Variants in NOTCH2NLC observed in about 807,000 individuals in gnomAD.
The protein encoded by NOTCH2NLC is notch homolog 2 N-terminal-like protein C.
In NOTCH2NLC, 4 loss-of-function variants were observed where a neutral mutation model predicts 17.7. The ratio of observed to expected loss-of-function variants is 0.23; its 90% CI spans 0.11 to 0.52. The LOEUF (loss-of-function observed/expected upper bound fraction) is 0.52. Ranked by LOEUF, NOTCH2NLC falls within the 20% of genes least tolerant of loss-of-function variation. The pLI is 0.96. For missense variants in NOTCH2NLC, 57 were observed against 207.2 expected (o/e 0.28, Z 4.45); for synonymous variants, 18 against 86.0 (o/e 0.21, Z 4.38).
At chr1:149,462,661 C>A (rs2084656624) in intron 3 of NOTCH2NLC, among the ~76,000 whole-genome samples, 1 of 147,626 alleles carries the variant, frequency 6.8e-6, no homozygotes, top group African/African-American at 2.5e-5. Context: ...ACCATGGAGA[C>A]CCAACCCTGC....
chr1:149,419,298 A>G (rs1457170542), intron 1 of NOTCH2NLC, among the ~76,000 whole-genome samples: 76 of 151,048 alleles, frequency 5.0e-4, no homozygotes, highest in Middle Eastern at 3.4e-3. Flanking sequence ...TATCAAGACA[A>G]TGTAACTTTT....
Position 149,390,732 on chromosome 1 carries a change from T to C in NOTCH2NLC, c.-56T>C. 4 of 1,238,710 alleles carry C rather than the reference T, an allele frequency of 3.2e-6. No individual in the cohort carries two copies. Among genetic ancestry groups the C allele is most frequent in the Non-Finnish European group, 3.0e-6 (3 of 991,632 alleles). The allele number at this position is 1,238,710 out of a possible 1,614,324, so 76.7% of individuals were successfully genotyped here. The stretch of plus-strand genomic sequence containing the variant: ...GACCGTAGCGCCAGGGCCTGAGCCT[T>C]TGAAGCAGGAGGAGGGGAGGAGAGA... On this transcript the variant is annotated 5_prime_UTR_variant, in exon 1 of 5. Transcript: ENST00000650865.
At chr1:149,430,142 CT>C (rs2084438933) in intron 1 of NOTCH2NLC, among the ~76,000 whole-genome samples, 2 of 146,302 alleles carry the variant, frequency 1.4e-5, no homozygotes, top group Non-Finnish European at 3.0e-5. Context: ...TGTTTTTGTT[CT>C]TTTCTCTGAA....
chr1:149,393,748 C>CT lies in NOTCH2NLC; in HGVS notation c.135+2836dup, dbSNP rs1325133856. Among the ~76,000 whole-genome samples the CT allele has an allele frequency of 1.7e-3, 218 of 129,608 alleles. 3 individuals are homozygous for CT. Among genetic ancestry groups the CT allele is most frequent in the East Asian group, 4.2e-3 (16 of 3,794 alleles). The allele number at this position is 129,608 out of a possible 152,430, so 85.0% of individuals were successfully genotyped here. On this transcript the variant is annotated intron_variant, in intron 1 of 4. Transcript: ENST00000650865. The stretch of plus-strand genomic sequence containing the variant: ...TTTTCCTTTCACTTTCTTATTATTC[C>CT]TTTTTTTTTTGGTGTGGTGGAGAGG...
At chr1:149,398,147 G>A (rs1380426316) in intron 1 of NOTCH2NLC, among the ~76,000 whole-genome samples, 1 of 151,188 alleles carries the variant, frequency 6.6e-6, no homozygotes, top group African/African-American at 2.4e-5. Context: ...AGGGAAAGGC[G>A]ACCTCCAGCT....
chr1:149,420,184 T>G (rs1177920549), intron 1 of NOTCH2NLC, among the ~76,000 whole-genome samples: 11 of 149,978 alleles, frequency 7.3e-5, no homozygotes, highest in Non-Finnish European at 1.0e-4. Context: ...AGGGCTATAT[T>G]TTATGTTTTC....
At chr1:149,430,549 A>G (rs1177416318) in intron 1 of NOTCH2NLC, among the ~76,000 whole-genome samples, 2 of 145,050 alleles carry the variant, frequency 1.4e-5, no homozygotes, top group African/African-American at 5.1e-5. Context: ...ATGGTGATCT[A>G]TTATTTATCT....
rs1226879978 is a variant in NOTCH2NLC, at chr1:149,419,782, T to C, written c.136-11160T>C. ...AGGTTGTGTTGATGTGGGACATAGTTGTATGTCTGAAGAAACAAAGCAAGG... is the reference window on the plus strand; with the variant it reads ...AGGTTGTGTTGATGTGGGACATAGTCGTATGTCTGAAGAAACAAAGCAAGG... On this transcript the variant is annotated intron_variant, in intron 1 of 4. Coordinates refer to ENST00000650865, the MANE Select transcript of NOTCH2NLC (RefSeq NM_001364013.2). Among the ~76,000 whole-genome samples the C allele has an allele frequency of 3.0e-4, 45 of 148,214 alleles. 1 individual carries two copies. The highest frequency in any genetic ancestry group is 1.1e-3 in the African/African-American group (43 of 40,304).
chr1:149,425,538 A>G (rs1457298839), intron 1 of NOTCH2NLC, among the ~76,000 whole-genome samples: 8 of 150,766 alleles, frequency 5.3e-5, no homozygotes, highest in African/African-American at 1.7e-4. Flanking sequence ...CCAGCATGGG[A>G]GCCTAGACTG....
intron 1 of NOTCH2NLC, among the ~76,000 whole-genome samples, chr1:149,399,791 CT>C (rs1274740979): frequency 7.1e-6 from 1 of 140,616 alleles, no homozygotes; most frequent in Non-Finnish European, 1.6e-5. Flanking sequence ...CTGACATATT[CT>C]TTCTAAGAGA....
chr1:149,462,128 T>C (rs2084654046), intron 3 of NOTCH2NLC, among the ~76,000 whole-genome samples: 3 of 145,638 alleles, frequency 2.1e-5, no homozygotes, highest in Admixed American at 2.0e-4. Context: ...ACTTAAAGTA[T>C]AATAATAATA....
intron 2 of NOTCH2NLC, among the ~76,000 whole-genome samples, chr1:149,454,492 A>G (rs2084604932): frequency 7.0e-6 from 1 of 142,704 alleles, no homozygotes; most frequent in Non-Finnish European, 1.5e-5. Context: ...GTGGCATGTA[A>G]AAAGGTTCCT....
chr1:149,400,145 T>A (rs1278061846), intron 1 of NOTCH2NLC, among the ~76,000 whole-genome samples: 1 of 134,822 alleles, frequency 7.4e-6, no homozygotes, highest in Admixed American at 7.4e-5. Flanking sequence ...ATATATTTTT[T>A]TTTTAGTTTA....
At chr1:149,427,196 AT>A (rs2084417759) in intron 1 of NOTCH2NLC, among the ~76,000 whole-genome samples, 1 of 150,862 alleles carries the variant, frequency 6.6e-6, no homozygotes, top group South Asian at 2.1e-4. Flanking sequence ...TATTAACTAT[AT>A]TCACCACTCT....
chr1:149,412,744 C>T (rs1295074346), intron 1 of NOTCH2NLC, among the ~76,000 whole-genome samples: 6 of 116,272 alleles, frequency 5.2e-5, no homozygotes, highest in East Asian at 3.3e-4. Flanking sequence ...ACCTGGGAGG[C>T]GGAGGCTGCC....
rs1489198399 is a variant in NOTCH2NLC, at chr1:149,402,140, C to T, written c.135+11218C>T. Among the ~76,000 whole-genome samples, 23 of 149,866 alleles carry T rather than the reference C, an allele frequency of 1.5e-4. 1 individual carries two copies. The highest frequency in any genetic ancestry group is 4.2e-4 in the South Asian group (2 of 4,730). The stretch of plus-strand genomic sequence containing the variant: ...TGTTGCCCAGGCTGGAGTGCAATGG[C>T]GCAATCTCGGCTCACCGCAACCTCC... On this transcript the variant is annotated intron_variant, in intron 1 of 4. Coordinates refer to ENST00000650865, the MANE Select transcript of NOTCH2NLC (RefSeq NM_001364013.2).
At chr1:149,421,530 A>T (rs1289453552) in intron 1 of NOTCH2NLC, among the ~76,000 whole-genome samples, 4 of 144,298 alleles carry the variant, frequency 2.8e-5, no homozygotes, top group South Asian at 2.2e-4. Flanking sequence ...AGCTTTAAAA[A>T]GGGAGTTTAC....
At chr1:149,392,768 G>A (rs1231876340) in intron 1 of NOTCH2NLC, among the ~76,000 whole-genome samples, 1 of 151,304 alleles carries the variant, frequency 6.6e-6, no homozygotes, top group African/African-American at 2.4e-5. Flanking sequence ...TGATTGTAAA[G>A]TGATTTGAAA....
intron 3 of NOTCH2NLC, among the ~76,000 whole-genome samples, chr1:149,463,002 A>G (rs2084658636): frequency 6.8e-6 from 1 of 146,354 alleles, no homozygotes; most frequent in South Asian, 2.2e-4. Context: ...TGCCCAGCTA[A>G]TTTTTGTATT....
Sources: gnomAD v4.1 joint callset for allele counts (sites outside exome capture counted in the v4.1 genomes callset) on GRCh38, gnomAD v4.1.1 for gene constraint, MANE v1.5 for transcripts, NCBI Gene and HGNC (gene_info 2026-07-23, HGNC 2026-07-21) for gene names.